Variants in NLE1 observed in about 807,000 individuals in gnomAD.
NLE1 encodes notchless homolog 1.
In NLE1, 37 loss-of-function variants were observed where a neutral mutation model predicts 62.8. The ratio of observed to expected loss-of-function variants is 0.59; its 90% CI spans 0.45 to 0.78. The LOEUF is 0.78. NLE1 is among the 30% of genes least tolerant of loss of function. The pLI is 0.00. For synonymous variants in NLE1, 243 were observed against 253.0 expected, an observed-to-expected ratio of 0.96 and a Z score of 0.37; for missense variants, 555 against 637.9, an observed-to-expected ratio of 0.87 and a Z score of 1.40.
intron 10 of NLE1, among the ~76,000 whole-genome samples, chr17:35,133,998 C>T (rs2091893101): frequency 2.0e-5 from 3 of 152,296 alleles, no homozygotes; most frequent in Middle Eastern, 3.4e-3. Context: ...AACACAGTGA[C>T]GTCACTAACG....
chr17:35,132,504 C>T (rs974167439), intron 12 of NLE1, 55 bp from the exon 13 acceptor site: 31 of 1,307,112 alleles, frequency 2.4e-5, no homozygotes, highest in Admixed American at 3.8e-5. Context: ...AAAGGGAGGC[C>T]GTCATATAAT....
intron 2 of NLE1, 94 bp downstream of exon 2, chr17:35,141,885 G>T: frequency 1.4e-6 from 2 of 1,382,530 alleles, no homozygotes; most frequent in Non-Finnish European, 2.0e-6. Context: ...GTCCGTTAGC[G>T]GGGGACCATG....
At chr17:35,136,088 G>A in intron 9 of NLE1, 81 bp downstream of exon 9, 1 of 1,421,612 alleles carries the variant, frequency 7.0e-7, no homozygotes, top group Non-Finnish European at 9.8e-7. Flanking sequence ...GGTCTAGAAG[G>A]GAGAAGGGTC....
chr17:35,138,127 T>C (rs1597893035), intron 4 of NLE1, among the ~76,000 whole-genome samples: 1 of 152,352 alleles, frequency 6.6e-6, no homozygotes, highest in South Asian at 2.1e-4. Flanking sequence ...ACACATGCTA[T>C]GAAGTGTTTT....
chr17:35,141,931 C>T, intron 2 of NLE1, 48 bp downstream of exon 2: 1 of 1,529,042 alleles, frequency 6.5e-7, no homozygotes, highest in Non-Finnish European at 8.8e-7. Flanking sequence ...TCCCCCACCG[C>T]ATCCGCCCGG....
chr17:35,140,747 C>T (rs1048115263), intron 2 of NLE1, among the ~76,000 whole-genome samples: 3 of 152,124 alleles, frequency 2.0e-5, no homozygotes, highest in South Asian at 2.1e-4. Flanking sequence ...CCTGCCACCA[C>T]GCCTGGCTAA....
At chr17:35,140,611 G>T (rs564532468) in intron 2 of NLE1, among the ~76,000 whole-genome samples, 1 of 148,070 alleles carries the variant, frequency 6.8e-6, no homozygotes, top group African/African-American at 2.5e-5. Context: ...TTTTTTTTGA[G>T]ATGGAGTCTC....
At chr17:35,140,381 A>G (rs1288468466) in intron 2 of NLE1, among the ~76,000 whole-genome samples, 1 of 151,770 alleles carries the variant, frequency 6.6e-6, no homozygotes, top group Non-Finnish European at 1.5e-5. Flanking sequence ...GGCACCCATC[A>G]CCACGCCTGG....
chr17:35,139,697 G>T, intron 3 of NLE1, 152 bp downstream of exon 3: 2 of 1,079,988 alleles, frequency 1.9e-6, no homozygotes, highest in South Asian at 1.6e-5. Flanking sequence ...GCCCTACTGA[G>T]GAAGTCCCTT....
Position 35,142,124 on chromosome 17 carries a change from T to G in NLE1, c.19-2A>C, listed in dbSNP as rs1167906396. The G allele has an allele frequency of 6.2e-7, 1 of 1,610,618 alleles. No individual in the cohort carries two copies. The highest frequency in any genetic ancestry group is 8.5e-7 in the Non-Finnish European group (1 of 1,179,042). On this transcript the variant is annotated splice_acceptor_variant, in intron 1 of 12. Transcript: ENST00000442241. LOFTEE classifies it high-confidence loss of function. ...CACATCGCGCGCCACCGCCTCGTCCTGCGCGAGCAAGTGGGGCGGGAGTCA... is the reference window on the plus strand; with the variant it reads ...CACATCGCGCGCCACCGCCTCGTCCGGCGCGAGCAAGTGGGGCGGGAGTCA...
intron 10 of NLE1, among the ~76,000 whole-genome samples, chr17:35,133,874 C>T (rs1000679543): frequency 2.6e-5 from 4 of 152,268 alleles, no homozygotes; most frequent in East Asian, 3.9e-4. Context: ...TGAACTTTCA[C>T]GTCAACACAG....
intron 10 of NLE1, 98 bp from the exon 11 acceptor site, chr17:35,133,596 G>C: frequency 8.6e-7 from 1 of 1,167,574 alleles, no homozygotes; most frequent in Non-Finnish European, 1.2e-6. Context: ...TCTCAACCTC[G>C]GCTGTCTGTT....
Position 35,137,175 on chromosome 17 carries a change from A to G in NLE1, c.654T>C (p.Tyr218=), listed in dbSNP as rs1407580462. Residue 218 remains tyrosine (Y), a synonymous_variant, in exon 7 of 13, where the codon TAT becomes TAC. Transcript: ENST00000442241. ...TGCCATCCTTGGAGCTGCTGGCCAC[A>G]TAGCGGCACTCAGGGTTCCTGGAGA... ...EPLHANPECR[Y]VASSSKDGSV... 24 of 1,609,126 alleles carry G rather than the reference A, an allele frequency of 1.5e-5. No individual in the cohort carries two copies. The highest frequency in any genetic ancestry group is 2.0e-5 in the Non-Finnish European group (23 of 1,176,142).
intron 5 of NLE1, 74 bp from the exon 6 acceptor site, chr17:35,137,714 T>TGCCC: frequency 2.5e-6 from 3 of 1,212,340 alleles, no homozygotes; most frequent in Admixed American, 1.8e-5. Flanking sequence ...GCCTACCACT[T>TGCCC]CCCACCCAAC....
Position 35,129,046 on chromosome 17 carries a change from C to T in NLE1, c.*3391G>A, listed in dbSNP as rs959161094. 1.9e-5 allele frequency: 4 copies of T among 207,136 alleles called. No homozygotes were observed. The highest frequency in any genetic ancestry group is 2.0e-4 in the South Asian group (2 of 10,224). 12.8% of individuals were successfully genotyped at this position (207,136 alleles called of 1,614,324 possible). A position where few individuals can be genotyped will look rare whatever the true frequency, so the allele number is the denominator to read the frequency against. The stretch of plus-strand genomic sequence containing the variant: ...GCAGAGCTCAGGTGGTACCCTGAGC[C>T]GTGGGGAGCAGCTGTAAATACAGAT... On this transcript the variant is annotated 3_prime_UTR_variant, in exon 13 of 13. Coordinates refer to ENST00000442241, the MANE Select transcript of NLE1 (RefSeq NM_018096.5).
At position 35,140,005 on chromosome 17, in the gene NLE1, T is replaced by C; in HGVS notation, c.224A>G (p.Lys75Arg). The change falls in exon 3 of 13, where the codon AAG (lysine) becomes AGG (arginine). Residue 75 changes from lysine (K) to arginine (R), a missense_variant. By Grantham distance (26) the Lys-to-Arg change is conservative. Coordinates refer to ENST00000442241, the MANE Select transcript of NLE1 (RefSeq NM_018096.5). ...CTCCACTGCCTGGGACTCCAACGTC[T>C]TCCCCAGTGAGGAGACGATCTCAGC... is the stretch of plus-strand genomic sequence containing the variant. ...HDAEIVSSLG[K>R]TLESQAVETE... 1 of 1,614,126 alleles carries C rather than the reference T, an allele frequency of 6.2e-7. No individual in the cohort carries two copies. Among genetic ancestry groups the C allele is most frequent in the Non-Finnish European group, 8.5e-7 (1 of 1,180,018 alleles).
intron 4 of NLE1, among the ~76,000 whole-genome samples, chr17:35,138,444 TTCTC>T (rs886714658): frequency 9.9e-5 from 15 of 152,064 alleles, no homozygotes; most frequent in South Asian, 8.3e-4. Context: ...CTCTTCTCTT[TTCTC>T]TCTCTCTCTT....
At chr17:35,136,089 G>T in intron 9 of NLE1, 80 bp downstream of exon 9, 2 of 1,431,928 alleles carry the variant, frequency 1.4e-6, no homozygotes, top group South Asian at 1.2e-5. Context: ...GTCTAGAAGG[G>T]AGAAGGGTCT....
intron 3 of NLE1, 24 bp from the exon 4 acceptor site, chr17:35,139,338 G>T: frequency 6.3e-7 from 1 of 1,587,846 alleles, no homozygotes; most frequent in South Asian, 1.1e-5. Context: ...GAGGATGCTT[G>T]ACACTGCACA....
Sources: gnomAD v4.1 joint callset for allele counts (sites outside exome capture counted in the v4.1 genomes callset) on GRCh38, gnomAD v4.1.1 for gene constraint, MANE v1.5 for transcripts, NCBI Gene and HGNC (gene_info 2026-07-23, HGNC 2026-07-21) for gene names.